The following SNTG2 variants were observed in gnomAD, a reference collection of about 807,000 sequenced individuals.
SNTG2 encodes gamma-2-syntrophin.
In SNTG2, 74 loss-of-function variants were observed where a neutral mutation model predicts 70.9. That is an observed-to-expected ratio of 1.04 (90% CI 0.86 to 1.27). SNTG2 has a LOEUF of 1.27. SNTG2 is among the 50% of genes most tolerant of loss of function. The pLI is 0.00. For missense variants in SNTG2, 717 were observed against 690.7 expected, an observed-to-expected ratio of 1.04 and a Z score of -0.43; for synonymous variants, 278 against 273.8, an observed-to-expected ratio of 1.02 and a Z score of -0.15.
intron 8 of SNTG2, among the ~76,000 whole-genome samples, chr2:1,205,736 G>A (rs1021814192): frequency 3.2e-4 from 49 of 152,238 alleles, no homozygotes; most frequent in Admixed American, 2.0e-3. Flanking sequence ...TGTGGCTTGC[G>A]TTTTTGGTTA....
At chr2:1,015,157 T>G (rs1659848496) in intron 1 of SNTG2, among the ~76,000 whole-genome samples, 1 of 152,124 alleles carries the variant, frequency 6.6e-6, no homozygotes, top group African/African-American at 2.4e-5. Flanking sequence ...GGAGCAGGTA[T>G]CCTGGTCCCG....
chr2:1,222,100 T>G lies in SNTG2; in HGVS notation c.719+12870T>G, dbSNP rs1278254532. ...CTCTGTCTCTGTCTCTCTCTGTCTC[T>G]CTCTGTCTCTCTCTGTCTCTCTCTG... On this transcript the variant is annotated intron_variant, in intron 9 of 16. Coordinates refer to ENST00000308624, the MANE Select transcript of SNTG2 (RefSeq NM_018968.4). Among the ~76,000 whole-genome samples the G allele has an allele frequency of 2.2e-4, 4 of 18,532 alleles. 1 individual carries two copies. The highest frequency in any genetic ancestry group is 5.6e-4 in the African/African-American group (3 of 5,370). The allele number at this position is 18,532 out of a possible 152,430, so 12.2% of individuals were successfully genotyped here. A position where few individuals can be genotyped will look rare whatever the true frequency, so the allele number is the denominator to read the frequency against.
intron 6 of SNTG2, among the ~76,000 whole-genome samples, chr2:1,156,193 G>T (rs1669885651): frequency 6.6e-6 from 1 of 152,214 alleles, no homozygotes; most frequent in Non-Finnish European, 1.5e-5. Flanking sequence ...ACTCTGAAGG[G>T]AAGGAAGCCA....
intron 6 of SNTG2, among the ~76,000 whole-genome samples, chr2:1,139,670 A>G (rs1668621900): frequency 7.6e-6 from 1 of 130,964 alleles, no homozygotes; most frequent in South Asian, 2.4e-4. Flanking sequence ...ACAAAAAATA[A>G]AAACAAAATC....
chr2:1,160,398 A>G (rs28702399), intron 6 of SNTG2: 116,521 of 152,082 alleles, frequency 0.77, 45,694 homozygotes, highest in Non-Finnish European at 0.86. Context: ...TATCTAAACT[A>G]TCAAATGTGT....
intron 8 of SNTG2, among the ~76,000 whole-genome samples, chr2:1,188,989 CAA>C (rs766173092): frequency 4.6e-5 from 7 of 151,572 alleles, no homozygotes; most frequent in Non-Finnish European, 1.0e-4. Flanking sequence ...CACACTATGA[CAA>C]GAAAAAACAA....
rs115618406 is a variant in SNTG2, at chr2:1,209,079, T to C, written c.592-24T>C. On this transcript the variant is annotated intron_variant, in intron 8 of 16. Transcript: ENST00000308624. ...GCAGCCTCCTCTGCCTCTGTGACGC[T>C]TCATTCTCCTTTCTTCTGTACAGGC... 2.7e-3 allele frequency: 4,295 copies of C among 1,612,374 alleles called. 93 individuals are homozygous for C. In the African/African-American group the frequency reaches 0.05, roughly 19 times the overall value.
At chr2:1,275,132 C>G (rs1457770545) in intron 14 of SNTG2, among the ~76,000 whole-genome samples, 1 of 152,188 alleles carries the variant, frequency 6.6e-6, no homozygotes, top group Non-Finnish European at 1.5e-5. Context: ...CTCTCACTAC[C>G]TAGAGAATGG....
chr2:964,342 C>A (rs1660456546), intron 1 of SNTG2, among the ~76,000 whole-genome samples: 1 of 152,190 alleles, frequency 6.6e-6, no homozygotes, highest in Non-Finnish European at 1.5e-5. Flanking sequence ...CATGGTGTCT[C>A]CGCCTGCCTC....
At chr2:1,322,637 G>GTC (rs147991649) in intron 16 of SNTG2, among the ~76,000 whole-genome samples, 27 of 151,540 alleles carry the variant, frequency 1.8e-4, no homozygotes, top group African/African-American at 5.6e-4. Context: ...CTCTCACTCT[G>GTC]TCTCTCTCTC....
intron 6 of SNTG2, among the ~76,000 whole-genome samples, chr2:1,154,000 G>A (rs1416381122): frequency 1.3e-5 from 2 of 152,272 alleles, no homozygotes; most frequent in East Asian, 1.9e-4. Context: ...TACAAAAGTC[G>A]AATAGAAATC....
intron 14 of SNTG2, among the ~76,000 whole-genome samples, chr2:1,289,548 G>A (rs555959518): frequency 2.6e-5 from 4 of 152,300 alleles, no homozygotes; most frequent in East Asian, 1.9e-4. Flanking sequence ...TTTGCTTTGC[G>A]TGAACTCGTG....
intron 7 of SNTG2, among the ~76,000 whole-genome samples, chr2:1,166,471 C>G (rs1006436431): frequency 2.6e-5 from 4 of 152,220 alleles, no homozygotes; most frequent in Non-Finnish European, 4.4e-5. Flanking sequence ...TTTACTTTCT[C>G]TCTCTCTTCC....
At chr2:1,204,817 G>C (rs4247823) in intron 8 of SNTG2, among the ~76,000 whole-genome samples, 49,293 of 152,036 alleles carry the variant, frequency 0.32, 8,544 homozygotes, top group East Asian at 0.65. Context: ...TTGGTACTAC[G>C]CACAGTTTTC....
intron 4 of SNTG2, among the ~76,000 whole-genome samples, chr2:1,121,873 C>A (rs985356762): frequency 6.6e-6 from 1 of 151,934 alleles, no homozygotes; most frequent in African/African-American, 2.4e-5. Flanking sequence ...CAAAGCCTAA[C>A]CATATTATAA....
At chr2:1,041,009 G>A (rs1178919782) in intron 1 of SNTG2, among the ~76,000 whole-genome samples, 1 of 152,182 alleles carries the variant, frequency 6.6e-6, no homozygotes, top group African/African-American at 2.4e-5. Context: ...TAAATTCCGG[G>A]ACTGGCAGAG....
At chr2:1,104,786 G>A (rs1156717607) in intron 4 of SNTG2, among the ~76,000 whole-genome samples, 2 of 152,202 alleles carry the variant, frequency 1.3e-5, no homozygotes, top group Admixed American at 6.5e-5. Context: ...CGAGAAATCC[G>A]GCTGTTTGCT....
chr2:1,138,523 A>C (rs1321299915), intron 6 of SNTG2, among the ~76,000 whole-genome samples: 1 of 151,966 alleles, frequency 6.6e-6, no homozygotes, highest in Non-Finnish European at 1.5e-5. Context: ...GTGGGGGCGG[A>C]GGTGGAGACA....
chr2:1,300,221 G>A lies in SNTG2; in HGVS notation c.1285-8273G>A, dbSNP rs551297765. ...GCACTGTTACCATCACCGCTCTGAA[G>A]GGTGTGCAAGAAGGGTGCTTTAAAT... On this transcript the variant is annotated intron_variant, in intron 14 of 16. Transcript: ENST00000308624. Among the ~76,000 whole-genome samples the A allele has an allele frequency of 8.6e-5, 13 of 151,694 alleles. 1 individual carries two copies. The highest frequency in any genetic ancestry group is 7.0e-3 in the Middle Eastern group (2 of 286).
Sources: gnomAD v4.1 joint callset for allele counts (sites outside exome capture counted in the v4.1 genomes callset) on GRCh38, gnomAD v4.1.1 for gene constraint, MANE v1.5 for transcripts, NCBI Gene and HGNC (gene_info 2026-07-23, HGNC 2026-07-21) for gene names.